The following PPP1R12A variants were observed in gnomAD, a reference collection of about 807,000 sequenced individuals.
PPP1R12A encodes myosin binding subunit.
Under a neutral mutation model 139.6 loss-of-function variants are expected in PPP1R12A, and 19 were observed. The ratio of observed to expected loss-of-function variants is 0.14; its 90% CI spans 0.09 to 0.20. PPP1R12A has a LOEUF of 0.20. PPP1R12A is among the 10% of genes least tolerant of loss of function. The probability of loss-of-function intolerance (pLI) is 1.00; values close to 1 mark genes in which losing one functional copy is unlikely to be tolerated. For synonymous variants in PPP1R12A, 427 were observed against 420.6 expected, an observed-to-expected ratio of 1.02 and a Z score of -0.19; for missense variants, 925 against 1,211.5, an observed-to-expected ratio of 0.76 and a Z score of 3.51.
chr12:79,914,192 TTCC>T (rs1296691307), intron 1 of PPP1R12A, among the ~76,000 whole-genome samples: 1 of 151,990 alleles, frequency 6.6e-6, no homozygotes, highest in Admixed American at 6.6e-5. Flanking sequence ...CCTCTTTGGG[TTCC>T]TCAATTTTTT....
At chr12:79,783,782 A>AT (rs1870772265) in intron 22 of PPP1R12A, among the ~76,000 whole-genome samples, 1 of 152,188 alleles carries the variant, frequency 6.6e-6, no homozygotes, top group South Asian at 2.1e-4. Context: ...TGGTTTGCCA[A>AT]TTTCATTGAT....
intron 2 of PPP1R12A, among the ~76,000 whole-genome samples, chr12:79,872,605 C>T (rs1448118569): frequency 6.6e-6 from 1 of 151,908 alleles, no homozygotes; most frequent in Non-Finnish European, 1.5e-5. Context: ...GTACCAAAGG[C>T]CAAAGAGGGT....
chr12:79,790,527 T>A, intron 19 of PPP1R12A, 44 bp from the exon 20 acceptor site: 1 of 1,316,870 alleles, frequency 7.6e-7, no homozygotes, highest in Non-Finnish European at 1.0e-6. Context: ...ATTTTTATGC[T>A]TTCATTAAAC....
chr12:79,802,770 T>C (rs558872542), intron 14 of PPP1R12A, among the ~76,000 whole-genome samples: 178 of 152,066 alleles, frequency 1.2e-3, no homozygotes, highest in African/African-American at 4.2e-3. Flanking sequence ...ACAGAGATCC[T>C]GTCTTGGAAA....
intron 2 of PPP1R12A, chr12:79,848,887 G>T (rs1879720340): frequency 6.6e-6 from 1 of 152,012 alleles, no homozygotes. Context: ...AAACTTTTAT[G>T]CTCTGCAGAC....
intron 22 of PPP1R12A, 110 bp downstream of exon 22, chr12:79,786,264 C>T (rs1209735038): frequency 1.6e-6 from 1 of 627,892 alleles, no homozygotes; most frequent in Non-Finnish European, 2.7e-6. Flanking sequence ...TCTTCTATTA[C>T]CAATTATCAA....
At chr12:79,872,115 A>G (rs1882637149) in intron 2 of PPP1R12A, among the ~76,000 whole-genome samples, 1 of 152,182 alleles carries the variant, frequency 6.6e-6, no homozygotes, top group Non-Finnish European at 1.5e-5. Context: ...AGATATTTAC[A>G]GAGTAGAATT....
At chr12:79,825,426 TAAA>T (rs1271579110) in intron 5 of PPP1R12A, 1 of 151,988 alleles carries the variant, frequency 6.6e-6, no homozygotes, top group African/African-American at 2.4e-5. Flanking sequence ...AGAAAGCAAA[TAAA>T]AACCTTTGTA....
chr12:79,833,479 G>T (rs757275330), intron 3 of PPP1R12A, among the ~76,000 whole-genome samples: 1 of 151,928 alleles, frequency 6.6e-6, no homozygotes, highest in African/African-American at 2.4e-5. Flanking sequence ...CAAGTCTATA[G>T]GCCTTTTTAT....
intron 1 of PPP1R12A, among the ~76,000 whole-genome samples, chr12:79,918,273 G>A (rs1887159595): frequency 6.6e-6 from 1 of 152,034 alleles, no homozygotes; most frequent in Non-Finnish European, 1.5e-5. Context: ...TAAGAGAACA[G>A]ACTAAATCCA....
chr12:79,858,485 A>G (rs2656033), intron 2 of PPP1R12A, among the ~76,000 whole-genome samples: 152,356 of 152,358 alleles, frequency 1, 76,177 homozygotes, highest in Middle Eastern at 1. Context: ...TTTTATGGAT[A>G]AAGAAATGGA....
chr12:79,783,161 G>A (rs545951663), intron 22 of PPP1R12A, among the ~76,000 whole-genome samples: 307 of 152,074 alleles, frequency 2.0e-3, no homozygotes, highest in Admixed American at 5.1e-3. Flanking sequence ...ATTCAGTTCA[G>A]AATTTCAAAT....
intron 1 of PPP1R12A, among the ~76,000 whole-genome samples, chr12:79,919,334 A>G (rs1592833686): frequency 6.6e-6 from 1 of 151,676 alleles, no homozygotes; most frequent in Admixed American, 6.6e-5. Context: ...AGGCGGGCGG[A>G]TCACGAGGTC....
At chr12:79,919,121 C>A (rs1406488847) in intron 1 of PPP1R12A, among the ~76,000 whole-genome samples, 1 of 151,772 alleles carries the variant, frequency 6.6e-6, no homozygotes, top group Admixed American at 6.6e-5. Flanking sequence ...AAAAAAAAAT[C>A]CTTCAGCACT....
At position 79,792,630 on chromosome 12, in the gene PPP1R12A, A is replaced by C. The variant is rs139368705; in HGVS notation, c.2649+1233T>G. On this transcript the variant is annotated intron_variant, in intron 19 of 24. Transcript: ENST00000450142. ...GTATCTCATATGATTTTAACAGTAA[A>C]ACTTAAAATACAGTATACATCAATA... Among the ~76,000 whole-genome samples, 5 of 152,236 alleles carry C rather than the reference A, an allele frequency of 3.3e-5. No homozygotes were observed. The East Asian group carries it at 5.8e-4, about 18-fold the overall frequency.
chr12:79,867,944 T>C (rs924512279), intron 2 of PPP1R12A, among the ~76,000 whole-genome samples: 1 of 152,184 alleles, frequency 6.6e-6, no homozygotes, highest in African/African-American at 2.4e-5. Context: ...CCTGTGGAAC[T>C]GTGAGTCAAT....
At chr12:79,810,650 A>T (rs895567849) in intron 9 of PPP1R12A, among the ~76,000 whole-genome samples, 1 of 152,214 alleles carries the variant, frequency 6.6e-6, no homozygotes, top group Admixed American at 6.5e-5. Context: ...GTAATGATCC[A>T]ATCTTTAAAA....
intron 2 of PPP1R12A, among the ~76,000 whole-genome samples, chr12:79,863,875 C>T (rs1433970493): frequency 6.6e-6 from 1 of 152,052 alleles, no homozygotes; most frequent in African/African-American, 2.4e-5. Flanking sequence ...CTTAGACTTC[C>T]ACACAATAAT....
At chr12:79,798,999 C>CCTT (rs1872780024) in intron 14 of PPP1R12A, among the ~76,000 whole-genome samples, 3 of 152,118 alleles carry the variant, frequency 2.0e-5, no homozygotes, top group Admixed American at 1.3e-4. Context: ...GGAAGGTCCT[C>CCTT]TTCTCCAGCC....
Sources: gnomAD v4.1 joint callset for allele counts (sites outside exome capture counted in the v4.1 genomes callset) on GRCh38, gnomAD v4.1.1 for gene constraint, MANE v1.5 for transcripts, NCBI Gene and HGNC (gene_info 2026-07-23, HGNC 2026-07-21) for gene names.